Variants in TBC1D19 observed in about 807,000 individuals in gnomAD.
The protein encoded by TBC1D19 is TBC1 domain family member 19, also known as TBC1 domain family, member 19.
TBC1D19 carries 60 observed loss-of-function variants against 89.0 expected under a neutral mutation model. That is an observed-to-expected ratio of 0.67 (90% CI 0.55 to 0.84). The LOEUF (loss-of-function observed/expected upper bound fraction) is 0.84. TBC1D19 is among the 40% of genes least tolerant of loss of function. TBC1D19 has a pLI of 0.00. For missense variants in TBC1D19, 500 were observed against 610.8 expected, an observed-to-expected ratio of 0.82 and a Z score of 1.91; for synonymous variants, 189 against 199.7, an observed-to-expected ratio of 0.95 and a Z score of 0.45.
chr4:26,789,564 G>T, the TBC1D19 span, among the ~76,000 whole-genome samples: 1 of 152,200 alleles, frequency 6.6e-6, no homozygotes. Context: ...GCAAATGTTG[G>T]TGAGGATGCA....
chr4:26,793,747 A>G, the TBC1D19 span, among the ~76,000 whole-genome samples: 1 of 147,416 alleles, frequency 6.8e-6, no homozygotes, highest in Non-Finnish European at 1.5e-5. Flanking sequence ...AAAAAAAAAT[A>G]GAATCCATCT....
chr4:26,808,117 C>T, the TBC1D19 span, among the ~76,000 whole-genome samples: 1 of 152,114 alleles, frequency 6.6e-6, no homozygotes, highest in East Asian at 1.9e-4. Context: ...ATTGAGGACC[C>T]AAAAAATGAT....
chr4:26,579,048 C>G (rs943708928), intron 1 of TBC1D19, among the ~76,000 whole-genome samples: 4 of 152,108 alleles, frequency 2.6e-5, no homozygotes, highest in Non-Finnish European at 4.4e-5. Context: ...GTTTACCTTT[C>G]AAAATGTCAC....
intron 15 of TBC1D19, among the ~76,000 whole-genome samples, chr4:26,735,036 AT>A (rs1717933011): frequency 6.6e-6 from 1 of 151,198 alleles, no homozygotes; most frequent in Non-Finnish European, 1.5e-5. Context: ...GTATATATGT[AT>A]ATGTGTACAC....
chr4:26,666,501 A>G (rs1711822604), intron 9 of TBC1D19, 96 bp downstream of exon 9: 1 of 987,318 alleles, frequency 1.0e-6, no homozygotes, highest in East Asian at 2.5e-5. Flanking sequence ...ATTTTTTTAT[A>G]TCTGAAAACT....
At chr4:26,626,304 G>C (rs1291300576) in intron 4 of TBC1D19, among the ~76,000 whole-genome samples, 2 of 152,060 alleles carry the variant, frequency 1.3e-5, no homozygotes, top group Non-Finnish European at 1.5e-5. Context: ...AAAATACCTT[G>C]GGAAATACTT....
intron 7 of TBC1D19, among the ~76,000 whole-genome samples, chr4:26,647,622 A>G (rs2109033675): frequency 6.6e-6 from 1 of 152,280 alleles, no homozygotes; most frequent in South Asian, 2.1e-4. Context: ...TATTAAATAA[A>G]AGCCCATTTG....
chr4:26,720,168 A>T, intron 15 of TBC1D19, 43 bp downstream of exon 15: 1 of 1,467,322 alleles, frequency 6.8e-7, no homozygotes. Context: ...AAGTGAAAAA[A>T]TTACAACTTT....
At chr4:26,697,951 CA>C (rs1422284290) in intron 13 of TBC1D19, among the ~76,000 whole-genome samples, 2 of 152,134 alleles carry the variant, frequency 1.3e-5, no homozygotes, top group African/African-American at 4.8e-5. Flanking sequence ...AAAACTGGCA[CA>C]AGACAGGGAT....
chr4:26,597,373 T>C (rs991754086), intron 1 of TBC1D19, among the ~76,000 whole-genome samples: 1 of 152,192 alleles, frequency 6.6e-6, no homozygotes, highest in Admixed American at 6.5e-5. Context: ...TATGGTGTTA[T>C]TATAGCTGCA....
chr4:26,585,164 T>C, intron 1 of TBC1D19: 3 of 448,000 alleles, frequency 6.7e-6, no homozygotes, highest in Non-Finnish European at 4.5e-6. Flanking sequence ...ATACCTAGGA[T>C]TGGAATTGCT....
chr4:26,812,285 T>C, the TBC1D19 span, among the ~76,000 whole-genome samples: 1 of 152,212 alleles, frequency 6.6e-6, no homozygotes, highest in African/African-American at 2.4e-5. The surrounding 1 kb of genome is among the most constrained non-coding windows in gnomAD (Gnocchi z 4.2). Context: ...CACTGCCATC[T>C]TTCCTTCCTT....
the TBC1D19 span, among the ~76,000 whole-genome samples, chr4:26,808,072 G>T: frequency 6.6e-6 from 1 of 152,218 alleles, no homozygotes; most frequent in Non-Finnish European, 1.5e-5. Flanking sequence ...CAAAGCTGAA[G>T]GGTACATTTT....
chr4:26,595,266 A>G (rs1740136720), intron 1 of TBC1D19, among the ~76,000 whole-genome samples: 1 of 152,046 alleles, frequency 6.6e-6, no homozygotes, highest in African/African-American at 2.4e-5. Flanking sequence ...TCTTTTGCCC[A>G]TTTTTTAATT....
At chr4:26,635,152 T>C (rs917045681) in intron 4 of TBC1D19, among the ~76,000 whole-genome samples, 22 of 152,132 alleles carry the variant, frequency 1.4e-4, no homozygotes, top group Non-Finnish European at 2.8e-4. Context: ...GCAAATTTTA[T>C]TTTATTGTGA....
At chr4:26,794,650 T>C in the TBC1D19 span, among the ~76,000 whole-genome samples, 6 of 152,166 alleles carry the variant, frequency 3.9e-5, no homozygotes, top group East Asian at 1.2e-3. Flanking sequence ...AAAACTAACA[T>C]TGAAACAGAC....
chr4:26,697,555 A>G (rs916771726), intron 13 of TBC1D19, among the ~76,000 whole-genome samples: 8 of 152,184 alleles, frequency 5.3e-5, no homozygotes, highest in Non-Finnish European at 1.0e-4. Context: ...CAGAGACACA[A>G]CAAAAAAAGA....
the TBC1D19 span, among the ~76,000 whole-genome samples, chr4:26,839,023 G>A: frequency 8.5e-5 from 13 of 152,128 alleles, no homozygotes; most frequent in Non-Finnish European, 1.9e-4. Flanking sequence ...TTTAAGATTC[G>A]TTTATTCAAC....
At chr4:26,680,022 G>C (rs1458075731) in intron 11 of TBC1D19, among the ~76,000 whole-genome samples, 1 of 152,118 alleles carries the variant, frequency 6.6e-6, no homozygotes, top group Non-Finnish European at 1.5e-5. Flanking sequence ...TTTTGTTCTC[G>C]TGATAGTGAG....
Sources: allele counts gnomAD v4.1 joint callset (sites outside exome capture counted in the v4.1 genomes callset), GRCh38; gene constraint gnomAD v4.1.1; non-coding constraint Gnocchi (gnomAD v3.1); transcripts MANE v1.5; gene names NCBI Gene and HGNC (gene_info 2026-07-23, HGNC 2026-07-21).